The following CNTN6 variants were observed in gnomAD, a reference collection of about 807,000 sequenced individuals.
The protein encoded by CNTN6 is contactin 6.
In CNTN6, 137 loss-of-function variants were observed where a neutral mutation model predicts 122.8. The ratio of observed to expected loss-of-function variants is 1.12; its 90% CI spans 0.97 to 1.29. The LOEUF is 1.29. Among genes scored for constraint, CNTN6 ranks in the 50% most tolerant of loss-of-function variants. The probability of loss-of-function intolerance (pLI) is 0.00; values close to 1 mark genes in which losing one functional copy is unlikely to be tolerated. For synonymous variants in CNTN6, 570 were observed against 426.0 expected, an observed-to-expected ratio of 1.34 and a Z score of -4.16; for missense variants, 1,634 against 1,223.4, an observed-to-expected ratio of 1.34 and a Z score of -5.01.
chr3:1,306,263 A>G (rs1196376480), intron 7 of CNTN6, among the ~76,000 whole-genome samples: 1 of 152,172 alleles, frequency 6.6e-6, no homozygotes, highest in Non-Finnish European at 1.5e-5. Context: ...ATTCTTGCTA[A>G]TGGCTTTTTC....
At chr3:1,331,838 G>GAA (rs537792090) in intron 11 of CNTN6, among the ~76,000 whole-genome samples, 3 of 141,592 alleles carry the variant, frequency 2.1e-5, no homozygotes, top group African/African-American at 7.8e-5. Flanking sequence ...ATGAGAGAGA[G>GAA]AAAAAAAAAA....
At chr3:1,193,211 C>G (rs183246687) in intron 2 of CNTN6, among the ~76,000 whole-genome samples, 1 of 152,094 alleles carries the variant, frequency 6.6e-6, no homozygotes, top group Non-Finnish European at 1.5e-5. Flanking sequence ...ATAACTTTTA[C>G]GTATTTAAAT....
chr3:1,111,571 C>A (rs942783003), intron 1 of CNTN6, among the ~76,000 whole-genome samples: 3 of 152,158 alleles, frequency 2.0e-5, no homozygotes, highest in African/African-American at 7.2e-5. Flanking sequence ...GAGCACCAAG[C>A]ACCCTAGGAT....
chr3:1,316,837 C>T (rs560507288), intron 7 of CNTN6, among the ~76,000 whole-genome samples: 1 of 151,856 alleles, frequency 6.6e-6, no homozygotes, highest in Non-Finnish European at 1.5e-5. Context: ...CCAGTTTTTC[C>T]CACCCACTGT....
chr3:1,326,060 A>T, intron 9 of CNTN6, 109 bp downstream of exon 9: 2 of 947,806 alleles, frequency 2.1e-6, no homozygotes, highest in South Asian at 1.8e-5. Flanking sequence ...AGTCTTTGGT[A>T]TGTTCCAGGA....
In CNTN6 at chr3:1,176,183, C is replaced by T. The variant is rs530080162; in HGVS notation, c.55+28120C>T. On this transcript the variant is annotated intron_variant, in intron 2 of 22. Coordinates refer to ENST00000446702, the MANE Select transcript of CNTN6 (RefSeq NM_001289080.2). ...AAATATAGTAGAAATATTGGGAGGC[C>T]GGGGCGGGCGGATCAACTAAGGTCG... Among the ~76,000 whole-genome samples the T allele has an allele frequency of 3.3e-5, 5 of 152,162 alleles. No individual in the cohort carries two copies. The South Asian group carries it at 8.3e-4, about 25-fold the overall frequency.
intron 1 of CNTN6, among the ~76,000 whole-genome samples, chr3:1,108,025 T>G (rs548826206): frequency 6.6e-6 from 1 of 152,088 alleles, no homozygotes; most frequent in Admixed American, 6.6e-5. Context: ...ATGTCAGTGT[T>G]ATGCAGAAAA....
At chr3:1,355,896 C>G (rs1378112996) in intron 12 of CNTN6, among the ~76,000 whole-genome samples, 2 of 151,718 alleles carry the variant, frequency 1.3e-5, no homozygotes, top group Non-Finnish European at 2.9e-5. Flanking sequence ...TAAGAGGATT[C>G]TGAAGTTATC....
At chr3:1,274,913 T>C (rs1333584483) in intron 4 of CNTN6, among the ~76,000 whole-genome samples, 1 of 152,106 alleles carries the variant, frequency 6.6e-6, no homozygotes, top group Non-Finnish European at 1.5e-5. Context: ...CTGCTAAACA[T>C]AGGTGTGTTT....
At position 1,338,684 on chromosome 3, in the gene CNTN6, C is replaced by G. The variant is rs150906209; in HGVS notation, c.1364+8749C>G. Among the ~76,000 whole-genome samples the G allele has an allele frequency of 1.6e-4, 24 of 152,216 alleles. No individual in the cohort carries two copies. In the East Asian group the frequency reaches 4.6e-3, roughly 29 times the overall value. The stretch of plus-strand genomic sequence containing the variant: ...CCTCTTGCTTCTAATTTCTGAGTGA[C>G]ACTTGTATCTTCAAAATTTTACATA... On this transcript the variant is annotated intron_variant, in intron 11 of 22. Transcript: ENST00000446702.
In CNTN6 at chr3:1,329,804, CA is replaced by C; in HGVS notation, c.1237del (p.Ser413ValfsTer68). On this transcript the variant is annotated frameshift_variant, in exon 11 of 23. Transcript: ENST00000446702. LOFTEE classifies it high-confidence loss of function. Reference protein sequence around the residue: ...RVLASAPDFSKSPVKKKSFVQ... With the variant: ...RVLASAPDFSXSPVKKKSFVQ... The stretch of plus-strand genomic sequence containing the variant: ...TTTTAGCCTCAGCTCCAGATTTCTC[CA>C]AAAGTCCAGTTAAAAAAAAGTCTTT... The C allele has an allele frequency of 6.2e-7, 1 of 1,605,146 alleles. No homozygotes were observed. Among genetic ancestry groups the C allele is most frequent in the Non-Finnish European group, 8.5e-7 (1 of 1,176,560 alleles).
rs191750169 is a variant in CNTN6, at chr3:1,223,912, T to A, written c.182+3099T>A. Reference sequence around the variant, plus strand: ...TTATCCTTTTAACAATCCTGTGAGATAAGCAGAATATACATTATTGCACAC... The same window carrying A: ...TTATCCTTTTAACAATCCTGTGAGAAAAGCAGAATATACATTATTGCACAC... On this transcript the variant is annotated intron_variant, in intron 3 of 22. Coordinates refer to ENST00000446702, the MANE Select transcript of CNTN6 (RefSeq NM_001289080.2). 9.5e-4 allele frequency among the ~76,000 whole-genome samples: 145 copies of A among 152,312 alleles called. 1 individual carries two copies. Among genetic ancestry groups the A allele is most frequent in the African/African-American group, 3.4e-3 (141 of 41,578 alleles).
At chr3:1,103,701 C>T (rs1010812249) in intron 1 of CNTN6, among the ~76,000 whole-genome samples, 2 of 152,134 alleles carry the variant, frequency 1.3e-5, no homozygotes, top group Admixed American at 1.3e-4. Context: ...GACACAATGC[C>T]TGAGCCAATT....
chr3:1,322,502 A>G (rs981729234), intron 8 of CNTN6, among the ~76,000 whole-genome samples: 2 of 151,730 alleles, frequency 1.3e-5, no homozygotes, highest in Non-Finnish European at 2.9e-5. Flanking sequence ...CTATTAAAAG[A>G]TCCTTAACTT....
intron 1 of CNTN6, among the ~76,000 whole-genome samples, chr3:1,106,234 G>A (rs2091213696): frequency 6.6e-6 from 1 of 152,090 alleles, no homozygotes; most frequent in Non-Finnish European, 1.5e-5. Context: ...TACACAAGGT[G>A]TGTGATATTT....
chr3:1,297,299 T>A (rs981618400), intron 6 of CNTN6, among the ~76,000 whole-genome samples: 25 of 152,170 alleles, frequency 1.6e-4, no homozygotes, highest in African/African-American at 5.8e-4. Context: ...ACTGATTAAA[T>A]TAATTAAGTT....
chr3:1,315,430 A>G (rs1223666262), intron 7 of CNTN6, among the ~76,000 whole-genome samples: 1 of 151,924 alleles, frequency 6.6e-6, no homozygotes, highest in African/African-American at 2.4e-5. Context: ...TGGAACTCTA[A>G]GTGGAGGAGA....
At position 1,280,917 on chromosome 3, in the gene CNTN6, C is replaced by T. The variant is rs78322392; in HGVS notation, c.454+2409C>T. Among the ~76,000 whole-genome samples the T allele has an allele frequency of 3.8e-3, 583 of 152,220 alleles. 2 individuals carry two copies. The highest frequency in any genetic ancestry group is 0.013 in the African/African-American group (543 of 41,544). Reference sequence around the variant, plus strand: ...TTGTAGAGGCTGCTGAATTTCTTGCCATGAGCATTTGTCCAATGTCAAAGC... The same window carrying T: ...TTGTAGAGGCTGCTGAATTTCTTGCTATGAGCATTTGTCCAATGTCAAAGC... On this transcript the variant is annotated intron_variant, in intron 5 of 22. Coordinates refer to ENST00000446702, the MANE Select transcript of CNTN6 (RefSeq NM_001289080.2).
chr3:1,383,243 T>C, intron 18 of CNTN6, 50 bp from the exon 19 acceptor site: 1 of 1,597,920 alleles, frequency 6.3e-7, no homozygotes, highest in South Asian at 1.1e-5. Context: ...TTGTTCCATT[T>C]TCAATGAACC....
Sources: allele counts gnomAD v4.1 joint callset (sites outside exome capture counted in the v4.1 genomes callset), GRCh38; gene constraint gnomAD v4.1.1; transcripts MANE v1.5; gene names NCBI Gene and HGNC (gene_info 2026-07-23, HGNC 2026-07-21).